Variants in TPH2 observed in about 807,000 individuals in gnomAD.
The protein encoded by TPH2 is tryptophan hydroxylase 2, also known as tryptophan 5-hydroxylase 2.
Under a neutral mutation model 59.1 loss-of-function variants are expected in TPH2, and 27 were observed. That is an observed-to-expected ratio of 0.46 (90% confidence interval 0.34 to 0.63). The LOEUF (loss-of-function observed/expected upper bound fraction) is 0.63. TPH2 is among the 30% of genes least tolerant of loss of function. The pLI is 0.01. For missense variants in TPH2, 523 were observed against 588.3 expected (o/e 0.89, Z 1.15); for synonymous variants, 220 against 210.5 (o/e 1.05, Z -0.39).
At chr12:72,006,666 G>A (rs1403089973) in intron 8 of TPH2, among the ~76,000 whole-genome samples, 1 of 152,090 alleles carries the variant, frequency 6.6e-6, no homozygotes, top group African/African-American at 2.4e-5. Flanking sequence ...GCTAACATTG[G>A]ACAATGTAGA....
chr12:72,022,400 G>A lies in TPH2; in HGVS notation c.1070G>A (p.Cys357Tyr). Reference sequence around the variant, plus strand: ...GAATATGTGTTCGTTTTTCTTCAGTGCTATTTCTTCACAATCGAGTTTGGC... The same window carrying A: ...GAATATGTGTTCGTTTTTCTTCAGTACTATTTCTTCACAATCGAGTTTGGC... ...SDEDVQKLAT[C>Y]YFFTIEFGLC... The change falls in exon 9 of 11, where the codon TGC (cysteine) becomes TAC (tyrosine). Residue 357 changes from cysteine (C) to tyrosine (Y), a missense_variant and splice_region_variant. Cys to Tyr is a radical substitution (Grantham distance 194). Coordinates refer to ENST00000333850, the MANE Select transcript of TPH2 (RefSeq NM_173353.4). The A allele has an allele frequency of 1.2e-6, 2 of 1,613,352 alleles. No homozygotes were observed. Among genetic ancestry groups the A allele is most frequent in the East Asian group, 4.5e-5 (2 of 44,870 alleles).
intron 1 of TPH2, 134 bp from the exon 2 acceptor site, chr12:71,941,450 G>C: frequency 1.8e-6 from 2 of 1,098,090 alleles, no homozygotes; most frequent in Non-Finnish European, 2.6e-6. Context: ...GAGTGACACG[G>C]CAACTTCACC....
intron 5 of TPH2, chr12:71,961,787 C>A: frequency 7.9e-7 from 1 of 1,271,798 alleles, no homozygotes; most frequent in Non-Finnish European, 1.0e-6. Context: ...AAGCCCTATC[C>A]TGTGGTGCAC....
chr12:72,029,624 T>C (rs1873666669), intron 9 of TPH2, among the ~76,000 whole-genome samples: 2 of 152,282 alleles, frequency 1.3e-5, no homozygotes, highest in South Asian at 4.1e-4. Context: ...CTAGCACAAA[T>C]GCATTTGCAA....
chr12:72,001,952 TTAGA>T (rs1163252064), intron 8 of TPH2, among the ~76,000 whole-genome samples: 3 of 152,082 alleles, frequency 2.0e-5, no homozygotes, highest in Non-Finnish European at 4.4e-5. Context: ...GTACAAAGTT[TTAGA>T]TAGATAGAAG....
At chr12:72,016,485 G>A (rs1212607809) in intron 8 of TPH2, among the ~76,000 whole-genome samples, 2 of 152,080 alleles carry the variant, frequency 1.3e-5, no homozygotes, top group African/African-American at 2.4e-5. Flanking sequence ...GAGGACCTGA[G>A]GGAGTATCTT....
At chr12:72,018,157 G>A (rs1174267161) in intron 8 of TPH2, among the ~76,000 whole-genome samples, 1 of 152,158 alleles carries the variant, frequency 6.6e-6, no homozygotes, top group African/African-American at 2.4e-5. Flanking sequence ...CTTGGTTGAG[G>A]ACAGCAGGAA....
At chr12:72,000,680 TGGATGAACA>T (rs1872800738) in intron 8 of TPH2, among the ~76,000 whole-genome samples, 1 of 152,200 alleles carries the variant, frequency 6.6e-6, no homozygotes, top group Non-Finnish European at 1.5e-5. Context: ...TTCTAACAAC[TGGATGAACA>T]GGATATCACC....
At chr12:71,949,449 C>A (rs534252798) in intron 4 of TPH2, 139 bp from the exon 5 acceptor site, 3 of 686,392 alleles carry the variant, frequency 4.4e-6, no homozygotes, top group East Asian at 2.8e-5. Context: ...TTGTTTCTGT[C>A]TGTGTCATCA....
intron 7 of TPH2, among the ~76,000 whole-genome samples, chr12:71,993,150 G>T (rs1208371184): frequency 6.6e-6 from 1 of 152,126 alleles, no homozygotes; most frequent in Non-Finnish European, 1.5e-5. Context: ...TTGAGTTGTG[G>T]GAATAAGATT....
Position 71,938,902 on chromosome 12 carries a change from C to G in TPH2, c.-85C>G, listed in dbSNP as rs1870972664. The stretch of plus-strand genomic sequence containing the variant: ...CGCCCCAAGCAGGCAGCTGATCGCA[C>G]GCCCCTTCCTCTCAATCTCCGCCAG... On this transcript the variant is annotated 5_prime_UTR_variant, in exon 1 of 11. Transcript: ENST00000333850. 1 of 1,166,352 alleles carries G rather than the reference C, an allele frequency of 8.6e-7. No homozygotes were observed. The highest frequency in any genetic ancestry group is 1.5e-5 in the African/African-American group (1 of 66,194). 72.3% of individuals were successfully genotyped at this position (1,166,352 alleles called of 1,614,324 possible). A position where few individuals can be genotyped will look rare whatever the true frequency, so the allele number is the denominator to read the frequency against.
intron 5 of TPH2, among the ~76,000 whole-genome samples, chr12:71,951,836 A>G (rs1871358195): frequency 6.6e-6 from 1 of 151,796 alleles, no homozygotes; most frequent in South Asian, 2.1e-4. Flanking sequence ...GACCAGCCTG[A>G]CCAACATGGA....
At chr12:72,017,966 G>C (rs1203155008) in intron 8 of TPH2, among the ~76,000 whole-genome samples, 1 of 152,094 alleles carries the variant, frequency 6.6e-6, no homozygotes, top group Admixed American at 6.5e-5. Context: ...AACAGAAAGA[G>C]AAAAATTATC....
Position 72,031,569 on chromosome 12 carries a change from C to T in TPH2, c.1347C>T (p.Pro449=). ...GTCCCTTCTCAGTATACTTCAATCC[C>T]TACACACAGAGTATTGAAATTCTGA... ...ITRPFSVYFN[P]YTQSIEILKD... Residue 449 remains proline (P), a synonymous_variant, in exon 11 of 11, where the codon CCC becomes CCT. Transcript: ENST00000333850. 6.2e-7 allele frequency: 1 copy of T among 1,613,622 alleles called. No homozygotes were observed. Among genetic ancestry groups the T allele is most frequent in the Non-Finnish European group, 8.5e-7 (1 of 1,179,648 alleles).
intron 7 of TPH2, among the ~76,000 whole-genome samples, chr12:71,986,980 C>T (rs1006326102): frequency 1.3e-5 from 2 of 152,096 alleles, no homozygotes; most frequent in Admixed American, 6.6e-5. Context: ...AGAATTGTGT[C>T]TGTGGGTGGG....
Position 71,950,955 on chromosome 12 carries a change from G to T in TPH2, c.608+1300G>T, listed in dbSNP as rs900732358. ...TCCTCCCAAGTCCCAGGCATCCTTC[G>T]TCCTTTCTCCACGACATTTAGGAAA... On this transcript the variant is annotated intron_variant, in intron 5 of 10. Transcript: ENST00000333850. Among the ~76,000 whole-genome samples, 18 of 152,140 alleles carry T rather than the reference G, an allele frequency of 1.2e-4. 1 individual carries two copies. The South Asian group carries it at 3.7e-3, about 32-fold the overall frequency.
chr12:71,982,911 C>A (rs976277474), intron 7 of TPH2, among the ~76,000 whole-genome samples: 4 of 152,198 alleles, frequency 2.6e-5, no homozygotes, highest in African/African-American at 9.7e-5. Flanking sequence ...GCTTTCAACA[C>A]ACATTGGATT....
chr12:71,947,113 G>GTATC (rs1353121748), intron 4 of TPH2, among the ~76,000 whole-genome samples: 1 of 152,164 alleles, frequency 6.6e-6, no homozygotes, highest in Non-Finnish European at 1.5e-5. Flanking sequence ...GCATTTCAAG[G>GTATC]TATCTGCAGG....
At chr12:72,001,486 C>A (rs564184882) in intron 8 of TPH2, among the ~76,000 whole-genome samples, 121 of 151,026 alleles carry the variant, frequency 8.0e-4, no homozygotes, top group Non-Finnish European at 1.4e-3. Flanking sequence ...AGTGCAATGG[C>A]GTGATCTCAG....
Sources: gnomAD v4.1 joint callset for allele counts (sites outside exome capture counted in the v4.1 genomes callset) on GRCh38, gnomAD v4.1.1 for gene constraint, MANE v1.5 for transcripts, NCBI Gene and HGNC (gene_info 2026-07-23, HGNC 2026-07-21) for gene names.